ABCA10: variants seen among roughly 807,000 people sequenced by gnomAD.
ABCA10 encodes the protein ATP binding cassette subfamily A member 10, also known as ATP-binding cassette sub-family A member 10.
A neutral mutation model predicts 187.5 loss-of-function variants in ABCA10; 169 were observed. The ratio of observed to expected loss-of-function variants is 0.90; its 90% CI spans 0.80 to 1.02. The LOEUF (loss-of-function observed/expected upper bound fraction) is 1.02. Among genes scored for constraint, ABCA10 ranks in the 50% least tolerant of loss-of-function variants. The probability of loss-of-function intolerance (pLI) is 0.00; values close to 1 mark genes in which losing one functional copy is unlikely to be tolerated. For missense variants in ABCA10, 1,727 were observed against 1,812.4 expected (o/e 0.95, Z 0.86); for synonymous variants, 574 against 601.8 (o/e 0.95, Z 0.68).
chr17:69,174,242 AAATTT>A (rs1395589358), intron 25 of ABCA10, 34 bp downstream of exon 25: 1 of 1,417,482 alleles, frequency 7.1e-7, no homozygotes. Context: ...AACTTCAAGG[AAATTT>A]AATATAAATG....
In ABCA10 at chr17:69,213,190, G is replaced by A. The variant is rs2074673559; in HGVS notation, c.1006+1514C>T. On this transcript the variant is annotated intron_variant, in intron 9 of 38. Coordinates refer to ENST00000690296, the MANE Select transcript of ABCA10 (RefSeq NM_001377321.1). ...ACCAGGAGGTGGAACTTTCAAGACA[G>A]CACCAGCTGCTGTAGCGCCCTACAG... 2.0e-5 allele frequency among the ~76,000 whole-genome samples: 3 copies of A among 152,188 alleles called. 1 individual carries two copies. The South Asian group carries it at 6.2e-4, about 32-fold the overall frequency.
chr17:69,149,348 A>G, intron 37 of ABCA10: 1 of 429,308 alleles, frequency 2.3e-6, no homozygotes, highest in Non-Finnish European at 4.1e-6. Context: ...CTTTACATAT[A>G]TGCTTTGGAC....
chr17:69,240,064 T>C (rs139825474), intron 1 of ABCA10, among the ~76,000 whole-genome samples: 103 of 152,324 alleles, frequency 6.8e-4, no homozygotes, highest in African/African-American at 2.5e-3. Flanking sequence ...GCCAGGACAT[T>C]AAAAATCCTT....
chr17:69,171,118 C>T (rs1208191123), intron 25 of ABCA10, among the ~76,000 whole-genome samples: 1 of 152,082 alleles, frequency 6.6e-6, no homozygotes, highest in Admixed American at 6.5e-5. Flanking sequence ...TAAGGTCAAC[C>T]AAGTATGAGC....
At chr17:69,151,051 C>T (rs1462206387) in intron 36 of ABCA10, among the ~76,000 whole-genome samples, 1 of 152,152 alleles carries the variant, frequency 6.6e-6, no homozygotes, top group African/African-American at 2.4e-5. Context: ...AAAAAAATCC[C>T]CCACTTTGTT....
intron 25 of ABCA10, among the ~76,000 whole-genome samples, chr17:69,168,966 A>T (rs553878332): frequency 6.6e-6 from 1 of 152,350 alleles, no homozygotes; most frequent in South Asian, 2.1e-4. Flanking sequence ...CTTTATCAGC[A>T]GTGTGAAAAC....
intron 10 of ABCA10, among the ~76,000 whole-genome samples, chr17:69,199,496 G>C (rs528077097): frequency 1.3e-5 from 2 of 152,258 alleles, no homozygotes; most frequent in East Asian, 3.9e-4. Flanking sequence ...CTATCTCTAG[G>C]TACATATAGA....
rs776270200 is a variant in ABCA10 at position 69,149,061 on chromosome 17, T to C, written c.4505A>G (p.Tyr1502Cys). 1.9e-6 allele frequency: 3 copies of C among 1,614,056 alleles called. No homozygotes were observed. Among genetic ancestry groups the C allele is most frequent in the South Asian group, 1.1e-5 (1 of 91,074 alleles). The stretch of plus-strand genomic sequence containing the variant: ...CTCCAAGGTAGCCTGAGAGAGGCTG[T>C]ATTCCTCCAGGTTGAAGGTCTGTTT... The part of the protein sequence containing the change: ...AMKQTFNLEE[Y>C]SLSQATLEQV... Residue 1502 changes from tyrosine (Y) to cysteine (C), a missense_variant, in exon 38 of 39, where the codon TAC becomes TGC. Physicochemically the swap from Tyr to Cys is radical, Grantham distance 194. Transcript: ENST00000690296.
intron 18 of ABCA10, 55 bp from the exon 19 acceptor site, chr17:69,187,934 T>C (rs1278282013): frequency 2.0e-6 from 3 of 1,525,990 alleles, no homozygotes; most frequent in South Asian, 2.3e-5. Flanking sequence ...ACTTTCTCTT[T>C]AAAAACTTTG....
rs1394628293 is a variant in ABCA10, at chr17:69,148,909, C to T, written c.4550G>A (p.Cys1517Tyr). The change falls in exon 39 of 39, where the codon TGT (cysteine) becomes TAT (tyrosine). Residue 1517 changes from cysteine (C) to tyrosine (Y), a missense_variant. Transcript: ENST00000690296. Reference sequence around the variant, plus strand: ...AACATTTCCCAGCTCCTGCTCTTTACAGAGTTCTAAGAATACCTAAGTAAG... The same window carrying T: ...AACATTTCCCAGCTCCTGCTCTTTATAGAGTTCTAAGAATACCTAAGTAAG... ...ATLEQVFLEL[C>Y]KEQELGNVDD... The T allele has an allele frequency of 6.2e-7, 1 of 1,613,524 alleles. No homozygotes were observed. Among genetic ancestry groups the T allele is most frequent in the East Asian group, 2.2e-5 (1 of 44,866 alleles).
chr17:69,199,109 G>T (rs2074525685), intron 10 of ABCA10, among the ~76,000 whole-genome samples: 1 of 152,096 alleles, frequency 6.6e-6, no homozygotes. Context: ...TGTGTGGAAG[G>T]ACCTTCACAT....
intron 18 of ABCA10, among the ~76,000 whole-genome samples, chr17:69,188,954 T>C (rs748132663): frequency 6.6e-6 from 1 of 152,174 alleles, no homozygotes; most frequent in Non-Finnish European, 1.5e-5. Context: ...TCTAGGTTGA[T>C]TCCATGTCTC....
intron 4 of ABCA10, 119 bp from the exon 5 acceptor site, chr17:69,222,014 A>G: frequency 4.1e-6 from 3 of 738,942 alleles, no homozygotes; most frequent in Middle Eastern, 2.9e-4. Flanking sequence ...GCCTATGATT[A>G]TATGATATAG....
At chr17:69,216,472 A>G in intron 6 of ABCA10, 114 bp from the exon 7 acceptor site, 1 of 1,192,596 alleles carries the variant, frequency 8.4e-7, no homozygotes, top group Non-Finnish European at 1.2e-6. Context: ...TTTATTCTAA[A>G]TGGGTGGCCA....
rs1423575628 is a variant in ABCA10, at chr17:69,164,983, T to C, written c.3263A>G (p.Tyr1088Cys). ...IFIPSFTLLG[Y>C]VMLLIQLDFM... ...GCTTACCTGGATCAATAACATGACA[T>C]ACCCCAGCAAAGTGAAGGAAGGTAT... Residue 1088 changes from tyrosine (Y) to cysteine (C), a missense_variant, in exon 26 of 39, where the codon TAT becomes TGT. Physicochemically the swap from Tyr to Cys is radical, Grantham distance 194. Transcript: ENST00000690296. The C allele has an allele frequency of 4.3e-6, 7 of 1,613,070 alleles. No individual in the cohort carries two copies. Among genetic ancestry groups the C allele is most frequent in the Admixed American group, 3.3e-5 (2 of 59,958 alleles).
intron 7 of ABCA10, 23 bp from the exon 8 acceptor site, chr17:69,216,023 T>G: frequency 6.3e-7 from 1 of 1,588,028 alleles, no homozygotes; most frequent in Non-Finnish European, 8.5e-7. Context: ...AGAGGTCTGA[T>G]TGGTATATTT....
chr17:69,151,864 C>T (rs1020634651), intron 36 of ABCA10, among the ~76,000 whole-genome samples, 179 bp downstream of exon 36: 3 of 152,186 alleles, frequency 2.0e-5, no homozygotes, highest in African/African-American at 7.2e-5. Context: ...AGGTCTAAAA[C>T]ACTCACTGAA....
intron 16 of ABCA10, among the ~76,000 whole-genome samples, chr17:69,192,079 C>G (rs2074464488): frequency 1.3e-5 from 2 of 152,120 alleles, no homozygotes; most frequent in Non-Finnish European, 2.9e-5. Flanking sequence ...AATCCCAGCA[C>G]TTTGGGAGGC....
chr17:69,192,775 T>G, intron 15 of ABCA10, 122 bp from the exon 16 acceptor site: 3 of 864,282 alleles, frequency 3.5e-6, no homozygotes, highest in Non-Finnish European at 5.4e-6. Context: ...GTAATATCAT[T>G]AAGCCCCTGG....
Sources: allele counts gnomAD v4.1 joint callset (sites outside exome capture counted in the v4.1 genomes callset), GRCh38; gene constraint gnomAD v4.1.1; transcripts MANE v1.5; gene names NCBI Gene and HGNC (gene_info 2026-07-23, HGNC 2026-07-21).